GPM6B: variants seen among roughly 807,000 people sequenced by gnomAD.
GPM6B encodes neuronal membrane glycoprotein M6-b.
Under a neutral mutation model 27.2 loss-of-function variants are expected in GPM6B, and 4 were observed. The observed-to-expected ratio is 0.15, with a 90% CI of 0.07 to 0.34. GPM6B has a LOEUF of 0.34. Ranked by LOEUF, GPM6B falls within the 10% of genes least tolerant of loss-of-function variation. The pLI, the probability that GPM6B is intolerant of heterozygous loss-of-function variation, is 1.00. For synonymous variants in GPM6B, 124 were observed against 103.1 expected (o/e 1.20, Z -1.23); for missense variants, 183 against 261.9 (o/e 0.70, Z 2.08).
chrX:13,852,076 G>C (rs1030563170), intron 1 of GPM6B, among the ~76,000 whole-genome samples: 1 of 111,064 alleles, frequency 9.0e-6, no homozygotes, highest in African/African-American at 3.3e-5. Flanking sequence ...AAACACTACA[G>C]GTGCAGGGTC....
intron 1 of GPM6B, among the ~76,000 whole-genome samples, chrX:13,865,523 C>A (rs770504907): frequency 9.8e-5 from 4 of 40,865 alleles, no homozygotes; most frequent in Admixed American, 3.4e-4. Context: ...CTGGACCACA[C>A]GGTAAAAATC....
rs1051327275 is a variant in GPM6B, at chrX:13,771,283, C to T, written c.*1598G>A. The T allele has an allele frequency of 1.8e-5, 2 of 111,135 alleles. No homozygotes were observed. Among genetic ancestry groups the T allele is most frequent in the Non-Finnish European group, 3.8e-5 (2 of 52,879 alleles). The allele number at this position is 111,135 out of a possible 1,213,427, so 9.2% of individuals were successfully genotyped here. On this transcript the variant is annotated 3_prime_UTR_variant, in exon 8 of 8. Transcript: ENST00000316715. ...CTAGAACACTGGACTCTGACAGCAC[C>T]TCCACTGCTGGAAAGAATAGTTAAA...
intron 1 of GPM6B, among the ~76,000 whole-genome samples, chrX:13,824,088 T>C (rs1430250242): frequency 8.9e-6 from 1 of 111,872 alleles, no homozygotes; most frequent in Non-Finnish European, 1.9e-5. Flanking sequence ...GCACTAGTGA[T>C]GTTTGGGGCT....
At chrX:13,824,696 G>A (rs772885305) in intron 1 of GPM6B, among the ~76,000 whole-genome samples, 74 of 111,958 alleles carry the variant, frequency 6.6e-4, no homozygotes, top group Admixed American at 1.1e-3. Flanking sequence ...TAAGGCAAGA[G>A]GGAGAGATTC....
At chrX:13,783,713 T>C (rs1319985302) in intron 3 of GPM6B, 192 bp from the exon 4 acceptor site, 5 of 459,031 alleles carry the variant, frequency 1.1e-5, no homozygotes, top group Non-Finnish European at 1.9e-5. Context: ...TGGGCCTTCC[T>C]TCCAAGGTGG....
intron 1 of GPM6B, among the ~76,000 whole-genome samples, chrX:13,878,256 G>GTT (rs377760826): frequency 6.0e-5 from 6 of 100,481 alleles, no homozygotes; most frequent in African/African-American, 7.2e-5. Flanking sequence ...AGACAAGAAG[G>GTT]TTTTTTTTTT....
intron 1 of GPM6B, among the ~76,000 whole-genome samples, chrX:13,836,259 G>A (rs940770745): frequency 3.6e-5 from 4 of 111,497 alleles, no homozygotes; most frequent in Non-Finnish European, 5.6e-5. Flanking sequence ...TAACTTAAAT[G>A]GGTTGTGTGA....
At position 13,816,928 on chromosome X, in the gene GPM6B, C is replaced by G. The variant is rs1371011504; in HGVS notation, c.-24G>C. The G allele has an allele frequency of 8.4e-7, 1 of 1,184,141 alleles. No individual in the cohort carries two copies. Among genetic ancestry groups the G allele is most frequent in the African/African-American group, 1.8e-5 (1 of 56,338 alleles). ...ATACCATCCACCAAAAATGCTTTTCCCCCTGTTCCCCCCAACACACACTTG... is the reference window on the plus strand; with the variant it reads ...ATACCATCCACCAAAAATGCTTTTCGCCCTGTTCCCCCCAACACACACTTG... On this transcript the variant is annotated 5_prime_UTR_variant, in exon 1 of 8. Coordinates refer to ENST00000316715, the MANE Select transcript of GPM6B (RefSeq NM_001001995.3).
intron 1 of GPM6B, chrX:13,889,121 C>G (rs776742760): frequency 1.8e-5 from 2 of 111,225 alleles, no homozygotes. Context: ...ACCTGAAGAA[C>G]CTGAATCCTT....
chrX:13,827,270 CCTTTTTTTTT>C (rs2049384692), intron 1 of GPM6B, among the ~76,000 whole-genome samples: 2 of 89,100 alleles, frequency 2.2e-5, no homozygotes, highest in African/African-American at 8.3e-5. Context: ...CTACCGACTT[CCTTTTTTTTT>C]TTTTTTTTTT....
rs192674010 is a variant in GPM6B at position 13,865,471 on chromosome X, C to T, written c.-198+72856G>A. On this transcript the variant is annotated intron_variant, in intron 1 of 6. Coordinates refer to the GPM6B transcript ENST00000398361. ...TCTCAGCCAGGCACGGTGGTTCATG[C>T]CTGTAGTCTCAGCACTTTGGGAGCC... Among the ~76,000 whole-genome samples, 314 of 95,557 alleles carry T rather than the reference C, an allele frequency of 3.3e-3. 3 individuals carry two copies. The highest frequency in any genetic ancestry group is 4.6e-3 in the Non-Finnish European group (225 of 49,007). 83.0% of individuals were successfully genotyped at this position (95,557 alleles called of 115,157 possible). A position where few individuals can be genotyped will look rare whatever the true frequency, so the allele number is the denominator to read the frequency against.
intron 1 of GPM6B, among the ~76,000 whole-genome samples, chrX:13,925,490 C>CTTTTTTTT (rs57186854): frequency 2.5e-5 from 2 of 79,871 alleles, no homozygotes; most frequent in Non-Finnish European, 4.7e-5. Flanking sequence ...CCATGTCTGG[C>CTTTTTTTT]TTTTTTTTTT....
intron 2 of GPM6B, among the ~76,000 whole-genome samples, chrX:13,804,976 T>A (rs1200187956): frequency 9.0e-6 from 1 of 111,136 alleles, no homozygotes. Flanking sequence ...CCCTTCACTC[T>A]GTGGCCTGCG....
intron 1 of GPM6B, among the ~76,000 whole-genome samples, chrX:13,841,512 A>G (rs190259200): frequency 1.8e-5 from 2 of 112,091 alleles, no homozygotes; most frequent in East Asian, 2.8e-4. Flanking sequence ...TCTAAAATAC[A>G]TGAGTTAGCT....
In GPM6B at chrX:13,776,041, C is replaced by G. The variant is rs2048407063; in HGVS notation, c.837+197G>C. ...TCTTTCCAGAGTCCAAATTACATCA[C>G]CTACAATCAGTGCCAAGGCAACCAA... On this transcript the variant is annotated intron_variant, in intron 7 of 7. Transcript: ENST00000316715. 10 of 427,303 alleles carry G rather than the reference C, an allele frequency of 2.3e-5. No individual in the cohort carries two copies. The South Asian group carries it at 4.2e-4, about 18-fold the overall frequency. The allele number at this position is 427,303 out of a possible 1,213,427, so 35.2% of individuals were successfully genotyped here.
At chrX:13,931,197 A>AAC (rs112843151) in intron 1 of GPM6B, among the ~76,000 whole-genome samples, 1 of 106,427 alleles carries the variant, frequency 9.4e-6, no homozygotes, top group Non-Finnish European at 1.9e-5. Context: ...AACAAAAACA[A>AAC]AACAACAACA....
At chrX:13,778,034 A>G (rs1323190698) in intron 5 of GPM6B, among the ~76,000 whole-genome samples, 1 of 101,489 alleles carries the variant, frequency 9.9e-6, no homozygotes, top group Non-Finnish European at 2.0e-5. Flanking sequence ...ATATTTTTGG[A>G]CTGAAAATCA....
At chrX:13,837,611 C>A (rs1347087100) in intron 1 of GPM6B, among the ~76,000 whole-genome samples, 4 of 105,323 alleles carry the variant, frequency 3.8e-5, no homozygotes, top group African/African-American at 1.4e-4. Context: ...CTATGACAGG[C>A]CAAAAAAAGA....
At chrX:13,785,847 A>G in intron 2 of GPM6B, 39 bp from the exon 3 acceptor site, 1 of 1,076,773 alleles carries the variant, frequency 9.3e-7, no homozygotes, top group Non-Finnish European at 1.3e-6. Flanking sequence ...GTTACGGGCA[A>G]GAACACCTCT....
Sources: allele counts gnomAD v4.1 joint callset (sites outside exome capture counted in the v4.1 genomes callset), GRCh38; gene constraint gnomAD v4.1.1; transcripts MANE v1.5; gene names NCBI Gene and HGNC (gene_info 2026-07-23, HGNC 2026-07-21).